CIMAP3: variants seen among roughly 807,000 people sequenced by gnomAD.
CIMAP3 encodes ciliary microtubule associated protein 3, also known as ciliary microtubule-associated protein 3.
the CIMAP3 span, chr1:111,348,939 A>G: frequency 3.9e-6 from 1 of 256,410 alleles, no homozygotes; most frequent in South Asian, 5.4e-5. Flanking sequence ...CTTACATTCT[A>G]GAGTCCAGAC....
At chr1:111,345,119 C>A in the CIMAP3 span, among the ~76,000 whole-genome samples, 1 of 152,142 alleles carries the variant, frequency 6.6e-6, no homozygotes, top group Non-Finnish European at 1.5e-5. Flanking sequence ...CTATGACGTT[C>A]GCAAAACAAA....
the CIMAP3 span, among the ~76,000 whole-genome samples, chr1:111,335,380 G>T: frequency 2.0e-4 from 31 of 152,140 alleles, no homozygotes; most frequent in Non-Finnish European, 4.4e-5. Flanking sequence ...CTGTGCATGA[G>T]CTGAAGCAGG....
At chr1:111,350,051 A>G in the CIMAP3 span, 1 of 1,418,824 alleles carries the variant, frequency 7.0e-7, no homozygotes, top group Non-Finnish European at 1.0e-6. Context: ...GTACTGATGG[A>G]GTTTGTGTAT....
chr1:111,328,490 T>C, the CIMAP3 span, among the ~76,000 whole-genome samples: 3 of 152,230 alleles, frequency 2.0e-5, no homozygotes, highest in East Asian at 1.9e-4. Flanking sequence ...TCTATGTCTT[T>C]TTGCAGGTTG....
the CIMAP3 span, among the ~76,000 whole-genome samples, chr1:111,333,224 G>T: frequency 1.3e-5 from 2 of 152,204 alleles, no homozygotes; most frequent in Non-Finnish European, 2.9e-5. Flanking sequence ...AGTGGGAATT[G>T]GTTTCCCTGC....
chr1:111,329,516 CATATATATATATATATATATATAT>C, the CIMAP3 span, among the ~76,000 whole-genome samples: 159 of 106,286 alleles, frequency 1.5e-3, 2 homozygotes, highest in African/African-American at 4.3e-3. Flanking sequence ...CACATAAACC[CATATATATATATATATATATATAT>C]ATATATATAT....
the CIMAP3 span, among the ~76,000 whole-genome samples, chr1:111,345,624 C>G: frequency 6.6e-6 from 1 of 152,176 alleles, no homozygotes; most frequent in Admixed American, 6.5e-5. Flanking sequence ...CTATAAAAAT[C>G]ATCCCTGAAG....
the CIMAP3 span, among the ~76,000 whole-genome samples, chr1:111,342,809 C>G: frequency 6.6e-6 from 1 of 152,192 alleles, no homozygotes; most frequent in African/African-American, 2.4e-5. Flanking sequence ...AAATTTTCCA[C>G]ATGCTTGTTC....
At chr1:111,325,097 A>G in the CIMAP3 span, among the ~76,000 whole-genome samples, 2 of 152,158 alleles carry the variant, frequency 1.3e-5, no homozygotes, top group Non-Finnish European at 2.9e-5. Context: ...CTGTTTCTTC[A>G]TTTGCACAAA....
the CIMAP3 span, among the ~76,000 whole-genome samples, chr1:111,325,496 T>C: frequency 6.6e-6 from 1 of 152,202 alleles, no homozygotes; most frequent in Non-Finnish European, 1.5e-5. Context: ...TTCTCCAGAA[T>C]AGAGATCTCT....
chr1:111,345,090 G>A, the CIMAP3 span, among the ~76,000 whole-genome samples: 1 of 152,114 alleles, frequency 6.6e-6, no homozygotes, highest in Non-Finnish European at 1.5e-5. Context: ...ATACCATCTA[G>A]GTTTGTGTTA....
chr1:111,351,421 T>A, the CIMAP3 span: 1 of 1,142,456 alleles, frequency 8.8e-7, no homozygotes, highest in South Asian at 1.7e-5. Flanking sequence ...ACTGTGGCCC[T>A]CTTGTCTGGC....
the CIMAP3 span, among the ~76,000 whole-genome samples, chr1:111,338,727 A>G: frequency 6.6e-6 from 1 of 152,016 alleles, no homozygotes; most frequent in Admixed American, 6.6e-5. Flanking sequence ...TTACCAACCA[A>G]AAAGAGTCCA....
the CIMAP3 span, among the ~76,000 whole-genome samples, chr1:111,341,515 G>A: frequency 7.9e-3 from 1,204 of 152,296 alleles, 16 homozygotes; most frequent in African/African-American, 0.027. Context: ...CTTGCTCTGT[G>A]TGGCCTGTGT....
At chr1:111,351,483 A>G in the CIMAP3 span, 1 of 572,354 alleles carries the variant, frequency 1.7e-6, no homozygotes, top group Non-Finnish European at 3.0e-6. Context: ...ATGAGAACAT[A>G]AAGACTAGTG....
chr1:111,348,050 T>G, the CIMAP3 span, among the ~76,000 whole-genome samples: 13 of 152,210 alleles, frequency 8.5e-5, no homozygotes, highest in Non-Finnish European at 2.9e-5. Flanking sequence ...GGTTAAACAT[T>G]CGAAGCTTGT....
At chr1:111,337,976 C>G in the CIMAP3 span, among the ~76,000 whole-genome samples, 1 of 149,526 alleles carries the variant, frequency 6.7e-6, no homozygotes, top group Non-Finnish European at 1.5e-5. Context: ...TGTAAAAGAA[C>G]AGAAATTATA....
the CIMAP3 span, chr1:111,348,586 C>T: frequency 2.5e-6 from 4 of 1,612,764 alleles, no homozygotes; most frequent in African/African-American, 4.0e-5. Flanking sequence ...CAAAATTTTG[C>T]TCCATTTAAT....
At chr1:111,326,868 C>A in the CIMAP3 span, among the ~76,000 whole-genome samples, 1 of 152,076 alleles carries the variant, frequency 6.6e-6, no homozygotes, top group Non-Finnish European at 1.5e-5. Context: ...TTCATATCCA[C>A]GTTAGCCATT....
Sources: gnomAD v4.1 joint callset for allele counts (sites outside exome capture counted in the v4.1 genomes callset) on GRCh38, gnomAD v4.1.1 for gene constraint, MANE v1.5 for transcripts, NCBI Gene and HGNC (gene_info 2026-07-23, HGNC 2026-07-21) for gene names.